Variants in GALNTL6 observed in about 807,000 individuals in gnomAD.
GALNTL6 encodes polypeptide N-acetylgalactosaminyltransferase-like 6.
GALNTL6 carries 46 observed loss-of-function variants against 73.7 expected under a neutral mutation model. The ratio of observed to expected loss-of-function variants is 0.62; its 90% CI spans 0.49 to 0.80. The LOEUF is 0.80. Ranked by LOEUF, GALNTL6 falls within the 30% of genes least tolerant of loss-of-function variation. The pLI is 0.00. For synonymous variants in GALNTL6, 259 were observed against 263.7 expected (o/e 0.98, Z 0.17); for missense variants, 604 against 755.0 (o/e 0.80, Z 2.34).
chr4:172,110,458 TTTAG>T (rs1213936333), intron 2 of GALNTL6, among the ~76,000 whole-genome samples: 1 of 152,218 alleles, frequency 6.6e-6, no homozygotes, highest in Non-Finnish European at 1.5e-5. Context: ...TTTCACAATA[TTTAG>T]TTAGTCAGTA....
intron 5 of GALNTL6, among the ~76,000 whole-genome samples, chr4:172,618,858 C>A (rs556229217): frequency 6.6e-6 from 1 of 152,086 alleles, no homozygotes; most frequent in Admixed American, 6.6e-5. Context: ...CAAGTAGCTG[C>A]GATTAAGGGT....
chr4:172,460,819 A>G (rs1000218343), intron 5 of GALNTL6, among the ~76,000 whole-genome samples: 2 of 152,352 alleles, frequency 1.3e-5, no homozygotes, highest in South Asian at 2.1e-4. Flanking sequence ...CAATTCCTCA[A>G]GGATCTAGAA....
intron 2 of GALNTL6, among the ~76,000 whole-genome samples, chr4:171,988,808 T>A (rs1468722127): frequency 3.9e-4 from 59 of 151,932 alleles, no homozygotes; most frequent in Admixed American, 3.9e-3. Context: ...GATTAAGTTT[T>A]AATAGGATGG....
chr4:172,539,887 AT>A (rs1735485130), intron 5 of GALNTL6, among the ~76,000 whole-genome samples: 2 of 136,870 alleles, frequency 1.5e-5, no homozygotes, highest in African/African-American at 5.7e-5. Flanking sequence ...ATATATATAT[AT>A]ATATATATAT....
chr4:172,688,464 C>T (rs1471032595), intron 5 of GALNTL6, among the ~76,000 whole-genome samples: 1 of 152,166 alleles, frequency 6.6e-6, no homozygotes, highest in Admixed American at 6.5e-5. Flanking sequence ...AGGAAGTTGT[C>T]ACCATTTGTG....
chr4:172,081,163 A>G (rs995356849), intron 2 of GALNTL6, among the ~76,000 whole-genome samples: 1 of 152,244 alleles, frequency 6.6e-6, no homozygotes, highest in Non-Finnish European at 1.5e-5. Flanking sequence ...GGCAAAAGCT[A>G]GAACCGAGCC....
At chr4:172,945,281 G>A (rs549666309) in intron 9 of GALNTL6, among the ~76,000 whole-genome samples, 1 of 152,296 alleles carries the variant, frequency 6.6e-6, no homozygotes, top group East Asian at 1.9e-4. Context: ...GCCACAGAAA[G>A]GAGATCGGGA....
At chr4:171,923,398 GTTT>G (rs565298275) in intron 2 of GALNTL6, among the ~76,000 whole-genome samples, 1 of 124,304 alleles carries the variant, frequency 8.0e-6, no homozygotes, top group Admixed American at 8.4e-5. Flanking sequence ...CCCTGACTTT[GTTT>G]TTTTTTTTTT....
intron 2 of GALNTL6, among the ~76,000 whole-genome samples, chr4:172,065,531 AAC>A (rs1245807359): frequency 6.6e-6 from 1 of 152,112 alleles, no homozygotes; most frequent in East Asian, 1.9e-4. Flanking sequence ...TAGTCTTTGT[AAC>A]CTTTGACCTC....
In GALNTL6 at chr4:172,663,861, CAG is replaced by C. The variant is rs367644080; in HGVS notation, c.554-145497_554-145496del. Among the ~76,000 whole-genome samples, 1,050 of 151,160 alleles carry C rather than the reference CAG, an allele frequency of 6.9e-3. 6 individuals are homozygous for C. Among genetic ancestry groups the C allele is most frequent in the African/African-American group, 0.024 (1,006 of 41,132 alleles). On this transcript the variant is annotated intron_variant, in intron 5 of 12. Transcript: ENST00000506823. Reference sequence around the variant, plus strand: ...ATGAGAATCGCTTGAACCTGGGAGGCAGAGGCTGCAGTGAGCCAAGATCATGT... The same window carrying C: ...ATGAGAATCGCTTGAACCTGGGAGGCAGGCTGCAGTGAGCCAAGATCATGT...
intron 2 of GALNTL6, among the ~76,000 whole-genome samples, chr4:171,982,488 C>T (rs1051592627): frequency 2.6e-5 from 4 of 151,940 alleles, no homozygotes; most frequent in Admixed American, 1.3e-4. Flanking sequence ...TCATTAGAGA[C>T]GGGGTTTCAC....
chr4:173,008,927 C>T (rs1752417749), intron 10 of GALNTL6, among the ~76,000 whole-genome samples: 1 of 152,194 alleles, frequency 6.6e-6, no homozygotes, highest in African/African-American at 2.4e-5. Flanking sequence ...GGTCAAAGTA[C>T]AGACTGATTA....
intron 5 of GALNTL6, among the ~76,000 whole-genome samples, chr4:172,584,992 A>G (rs572139836): frequency 1.2e-4 from 19 of 152,328 alleles, no homozygotes; most frequent in African/African-American, 4.1e-4. Context: ...GGAGGCAGTT[A>G]TGCAAGAGAA....
chr4:172,343,893 A>T lies in GALNTL6; in HGVS notation c.387-4630A>T, dbSNP rs1028669176. On this transcript the variant is annotated intron_variant, in intron 4 of 12. Coordinates refer to ENST00000506823, the MANE Select transcript of GALNTL6 (RefSeq NM_001034845.3). ...GTCTTCTTGGTGCTTTTAAAATTTGAAGAATTAGTTTTTATCCATTTATAT... is the reference window on the plus strand; with the variant it reads ...GTCTTCTTGGTGCTTTTAAAATTTGTAGAATTAGTTTTTATCCATTTATAT... Among the ~76,000 whole-genome samples the T allele has an allele frequency of 5.3e-4, 80 of 152,096 alleles. 1 individual carries two copies. The highest frequency in any genetic ancestry group is 4.9e-3 in the Admixed American group (74 of 15,256).
At chr4:171,915,506 G>T (rs1391314735) in intron 2 of GALNTL6, among the ~76,000 whole-genome samples, 2 of 152,012 alleles carry the variant, frequency 1.3e-5, no homozygotes, top group Admixed American at 1.3e-4. Flanking sequence ...TTTTAGTTTT[G>T]ATCTTAATTT....
At chr4:172,866,710 T>C (rs1273283363) in intron 7 of GALNTL6, among the ~76,000 whole-genome samples, 1 of 152,160 alleles carries the variant, frequency 6.6e-6, no homozygotes, top group Non-Finnish European at 1.5e-5. Context: ...TTCTCCTACC[T>C]CTTGCAGTGA....
chr4:171,909,168 A>T (rs1578962368), intron 2 of GALNTL6, among the ~76,000 whole-genome samples: 1 of 133,464 alleles, frequency 7.5e-6, no homozygotes, highest in East Asian at 2.1e-4. Context: ...ATAAATAAAA[A>T]GAAAAAAGAA....
At chr4:172,168,099 G>A (rs367858207) in intron 2 of GALNTL6, among the ~76,000 whole-genome samples, 4 of 152,026 alleles carry the variant, frequency 2.6e-5, no homozygotes, top group Admixed American at 1.3e-4. Flanking sequence ...AACTCTATTA[G>A]CAACGGTCTG....
intron 5 of GALNTL6, among the ~76,000 whole-genome samples, chr4:172,390,334 C>A (rs1743618858): frequency 6.7e-6 from 1 of 148,670 alleles, no homozygotes; most frequent in South Asian, 2.1e-4. Flanking sequence ...GAACAAAAAC[C>A]ATGTTACAGT....
Sources: gnomAD v4.1 joint callset for allele counts (sites outside exome capture counted in the v4.1 genomes callset) on GRCh38, gnomAD v4.1.1 for gene constraint, MANE v1.5 for transcripts, NCBI Gene and HGNC (gene_info 2026-07-23, HGNC 2026-07-21) for gene names.